PLCE1: variants seen among roughly 807,000 people sequenced by gnomAD.
PLCE1 encodes phospholipase C epsilon 1.
Under a neutral mutation model 242.8 loss-of-function variants are expected in PLCE1, and 119 were observed. The ratio of observed to expected loss-of-function variants is 0.49; its 90% CI spans 0.42 to 0.57. PLCE1 has a LOEUF of 0.57. Ranked by LOEUF, PLCE1 falls within the 20% of genes least tolerant of loss-of-function variation. The pLI is 0.00. For synonymous variants in PLCE1, 945 were observed against 1,017.4 expected (o/e 0.93, Z 1.35); for missense variants, 2,441 against 2,788.8 (o/e 0.88, Z 2.81).
At chr10:94,270,755 T>G (rs1240921960) in intron 18 of PLCE1, among the ~76,000 whole-genome samples, 153 bp downstream of exon 18, 1 of 152,150 alleles carries the variant, frequency 6.6e-6, no homozygotes, top group East Asian at 1.9e-4. Flanking sequence ...CTGCAACCTC[T>G]GCCTCTGAGG....
intron 8 of PLCE1, among the ~76,000 whole-genome samples, chr10:94,246,835 G>A (rs2050700343): frequency 6.6e-6 from 1 of 152,184 alleles, no homozygotes; most frequent in Non-Finnish European, 1.5e-5. Flanking sequence ...AGAATTAATT[G>A]AGGCTGTGGC....
rs78670656 is a variant in PLCE1, at chr10:94,058,968, G to A, written c.1206+26716G>A. Among the ~76,000 whole-genome samples the A allele has an allele frequency of 6.1e-3, 932 of 152,224 alleles. 8 individuals are homozygous for A. Among genetic ancestry groups the A allele is most frequent in the Middle Eastern group, 0.014 (4 of 294 alleles). ...ATGAATTTTTGCTTAGTCACATAGC[G>A]TAAACACATGTACCTATGGGCATAT... is the stretch of plus-strand genomic sequence containing the variant. On this transcript the variant is annotated intron_variant, in intron 2 of 32. Transcript: ENST00000371380.
chr10:94,332,234 T>C lies in PLCE1; in HGVS notation c.*4291T>C, dbSNP rs1564906157. ...GCACAAGCCTGTCACCAAACAGATC[T>C]CTGAAACCTTCCCTATTGCAGATGA... On this transcript the variant is annotated 3_prime_UTR_variant, in exon 33 of 33. Transcript: ENST00000371380. The C allele has an allele frequency of 6.6e-6, 1 of 152,196 alleles. No homozygotes were observed. The highest frequency in any genetic ancestry group is 1.5e-5 in the Non-Finnish European group (1 of 68,046). 9.4% of individuals were successfully genotyped at this position (152,196 alleles called of 1,614,324 possible). A position where few individuals can be genotyped will look rare whatever the true frequency, so the allele number is the denominator to read the frequency against.
At chr10:94,025,558 A>G (rs2061441055) in intron 1 of PLCE1, among the ~76,000 whole-genome samples, 1 of 152,164 alleles carries the variant, frequency 6.6e-6, no homozygotes. Flanking sequence ...TTATTTGTTC[A>G]GCATATATTG....
intron 2 of PLCE1, chr10:94,099,517 A>C (rs1306278504): frequency 6.6e-6 from 1 of 152,186 alleles, no homozygotes; most frequent in East Asian, 1.9e-4. Context: ...AAGATATATT[A>C]TTTCTCTCGA....
chr10:94,236,593 T>C (rs1168605451), intron 7 of PLCE1, among the ~76,000 whole-genome samples: 1 of 152,184 alleles, frequency 6.6e-6, no homozygotes, highest in Non-Finnish European at 1.5e-5. Flanking sequence ...TGCCAACCTC[T>C]GGGTGATTCT....
chr10:94,291,832 C>T (rs2133434833), intron 22 of PLCE1, among the ~76,000 whole-genome samples: 1 of 152,224 alleles, frequency 6.6e-6, no homozygotes, highest in Middle Eastern at 3.4e-3. Context: ...GATGAAGGTT[C>T]TTTGTTGCTT....
At chr10:94,317,957 T>C (rs1564892143) in intron 29 of PLCE1, among the ~76,000 whole-genome samples, 1 of 152,208 alleles carries the variant, frequency 6.6e-6, no homozygotes, top group East Asian at 1.9e-4. Context: ...GCTTGCCTGA[T>C]AGAAGGTGCC....
chr10:94,200,347 G>A (rs1590231782), intron 4 of PLCE1, among the ~76,000 whole-genome samples: 1 of 152,138 alleles, frequency 6.6e-6, no homozygotes, highest in Admixed American at 6.5e-5. Context: ...CAGTAAGGAG[G>A]TGCTTCAACG....
chr10:94,289,944 C>T (rs940274137), intron 22 of PLCE1, among the ~76,000 whole-genome samples: 1 of 150,500 alleles, frequency 6.6e-6, no homozygotes, highest in Non-Finnish European at 1.5e-5. Flanking sequence ...ATTTTTTTAA[C>T]TTTTTGACTC....
At chr10:94,143,230 T>G (rs1323770952) in intron 3 of PLCE1, among the ~76,000 whole-genome samples, 1 of 152,218 alleles carries the variant, frequency 6.6e-6, no homozygotes, top group Non-Finnish European at 1.5e-5. Flanking sequence ...TCTGCTGATA[T>G]CATCTCTATT....
intron 1 of PLCE1, among the ~76,000 whole-genome samples, chr10:93,997,041 G>T (rs2060837598): frequency 6.6e-6 from 1 of 152,050 alleles, no homozygotes; most frequent in South Asian, 2.1e-4. Context: ...GTTGTTGTTG[G>T]TAACACTATG....
At position 94,270,495 on chromosome 10, in the gene PLCE1, G is replaced by A. The variant is rs1589449171; in HGVS notation, c.4399G>A (p.Glu1467Lys). ...GTTTTGGCTCTCATAGGAAGTGGTT[G>A]AAGCCATTGATCGCAGTGCCTTCAT... ...TTKIPFKEVV[E>K]AIDRSAFINS... Residue 1467 changes from glutamate to lysine, a missense_variant, in exon 18 of 33, where the codon GAA (glutamate) becomes AAA (lysine). By Grantham distance (56) the Glu-to-Lys change is moderately conservative. Transcript: ENST00000371380. The A allele has an allele frequency of 6.2e-7, 1 of 1,611,370 alleles. No individual in the cohort carries two copies. The highest frequency in any genetic ancestry group is 8.5e-7 in the Non-Finnish European group (1 of 1,177,612).
rs745848489 is a variant in PLCE1 at position 94,254,913 on chromosome 10, C to T, written c.3418C>T (p.Pro1140Ser). ...CACAGAGGTGAATGCCATCGCTAAC[C>T]CTCCAAACCCCCTCCCTTCCAGAAG... ...EESEVNAIAN[P>S]PNPLPSRRAH... The change falls in exon 11 of 33, where the codon CCT becomes TCT. Residue 1140 changes from proline (P) to serine (S), a missense_variant. Pro to Ser is a moderately conservative substitution (Grantham distance 74, BLOSUM62 -1). This residue lies in a region of PLCE1 where 1,004 missense variants were observed against 1,322.7 expected (regional missense o/e 0.76). Coordinates refer to ENST00000371380, the MANE Select transcript of PLCE1 (RefSeq NM_016341.4). 9 of 1,614,086 alleles carry T rather than the reference C, an allele frequency of 5.6e-6. No individual in the cohort carries two copies. The highest frequency in any genetic ancestry group is 7.6e-6 in the Non-Finnish European group (9 of 1,179,972).
At chr10:94,098,586 A>G (rs758858964) in intron 2 of PLCE1, among the ~76,000 whole-genome samples, 1 of 152,238 alleles carries the variant, frequency 6.6e-6, no homozygotes. Flanking sequence ...TTTTTGGAAC[A>G]GGAATCAGAT....
intron 2 of PLCE1, among the ~76,000 whole-genome samples, chr10:94,062,582 G>GTTTTTTTTTTTTTTTTT (rs5787099): frequency 1.4e-5 from 2 of 142,350 alleles, no homozygotes; most frequent in Non-Finnish European, 1.5e-5. Flanking sequence ...TCTTGGTTTT[G>GTTTTTTTTTTTTTTTTT]TTTTTTTTTT....
At chr10:94,089,081 G>A in intron 2 of PLCE1, 1 of 1,612,266 alleles carries the variant, frequency 6.2e-7, no homozygotes, top group African/African-American at 1.3e-5. Context: ...TCATTCAGTG[G>A]GTCGTGGTGA....
intron 5 of PLCE1, among the ~76,000 whole-genome samples, chr10:94,230,091 A>C (rs1318366239): frequency 2.0e-5 from 3 of 152,162 alleles, no homozygotes; most frequent in Admixed American, 2.0e-4. Flanking sequence ...CATACTTATT[A>C]AGTGACTTTG....
intron 22 of PLCE1, chr10:94,287,205 G>GTATT (rs1179667710): frequency 7.3e-6 from 1 of 137,148 alleles, no homozygotes; most frequent in Admixed American, 7.1e-5. Context: ...TAGGTATAGT[G>GTATT]TATTTTCTCT....
Sources: allele counts gnomAD v4.1 joint callset (sites outside exome capture counted in the v4.1 genomes callset), GRCh38; gene constraint gnomAD v4.1.1; regional missense constraint gnomAD v4.1.1; transcripts MANE v1.5; gene names NCBI Gene and HGNC (gene_info 2026-07-23, HGNC 2026-07-21).